Variants in ERCC6 observed in about 807,000 individuals in gnomAD.
ERCC6 encodes the protein DNA excision repair protein ERCC-6.
In ERCC6, 116 loss-of-function variants were observed where a neutral mutation model predicts 158.7. The ratio of observed to expected loss-of-function variants is 0.73; its 90% CI spans 0.63 to 0.85. ERCC6 has a LOEUF of 0.85. Ranked by LOEUF, ERCC6 falls within the 40% of genes least tolerant of loss-of-function variation. The pLI, the probability that ERCC6 is intolerant of heterozygous loss-of-function variation, is 0.00. For synonymous variants in ERCC6, 678 were observed against 659.3 expected (o/e 1.03, Z -0.43); for missense variants, 1,698 against 1,799.4 (o/e 0.94, Z 1.02).
In ERCC6 at chr10:49,459,153, C is replaced by T. The variant is rs4253228; in HGVS notation, c.4144G>A (p.Gly1382Arg). 8.2e-5 allele frequency: 132 copies of T among 1,614,126 alleles called. No individual in the cohort carries two copies. In the African/African-American group the frequency reaches 1.3e-3, roughly 16 times the overall value. Residue 1382 changes from glycine to arginine, a missense_variant, in exon 21 of 21, where the codon GGG becomes AGG. Physicochemically the swap from Gly to Arg is moderately radical, Grantham distance 125 (BLOSUM62 -2). Transcript: ENST00000355832. ...AAGAGTGAGGAGGAAGCGAGGGGCC[C>T]GGATGAAGAGTCTGCATCTTCTGCT... ...GRAEDADSSSGPLASSSLLAK... is the reference protein window; with the variant it reads ...GRAEDADSSSRPLASSSLLAK...
chr10:49,527,572 G>A (rs35907997), intron 4 of ERCC6, among the ~76,000 whole-genome samples: 10,518 of 152,274 alleles, frequency 0.069, 445 homozygotes, highest in Middle Eastern at 0.11. Context: ...CTACTTGGGA[G>A]GCTGAGGCAG....
At chr10:49,453,658 CT>C (rs1850445226), downstream of ERCC6, among the ~76,000 whole-genome samples, 1 of 152,108 alleles carries the variant, frequency 6.6e-6, no homozygotes, top group South Asian at 2.1e-4. Flanking sequence ...TTTAATACTT[CT>C]TATTAGGCAG....
At position 49,473,515 on chromosome 10, in the gene ERCC6, T is replaced by C. The variant is rs781688378; in HGVS notation, c.2671A>G (p.Ile891Val). Residue 891 changes from isoleucine (I) to valine (V), a missense_variant, in exon 14 of 21, where the codon ATA becomes GTA. Ile to Val is a conservative substitution (Grantham distance 29, BLOSUM62 3). Coordinates refer to ENST00000355832, the MANE Select transcript of ERCC6 (RefSeq NM_000124.4). ...TYLKMDGTTTIASRQPLITRY... is the reference protein window; with the variant it reads ...TYLKMDGTTTVASRQPLITRY... ...GTAATCAGTGGCTGTCTTGAAGCTA[T>C]TGTAGTGGTACCATCCATCTTGAGA... 13 of 1,612,766 alleles carry C rather than the reference T, an allele frequency of 8.1e-6. No individual in the cohort carries two copies. The highest frequency in any genetic ancestry group is 3.3e-5 in the South Asian group (3 of 91,060).
rs747651923 is a variant in ERCC6, at chr10:49,471,091, CTATT to C, written c.2950_2953del (p.Asn984GlufsTer3). ...CCTTTGTTTTGGGTCTTTTAGCACT[CTATT>C]TGTCAAAAACTGCTTGAAGATTTGT... On this transcript the variant is annotated frameshift_variant, in exon 17 of 21. Transcript: ENST00000355832. LOFTEE classifies it high-confidence loss of function. 6 of 1,613,896 alleles carry C rather than the reference CTATT, an allele frequency of 3.7e-6. No individual in the cohort carries two copies. The highest frequency in any genetic ancestry group is 4.2e-6 in the Non-Finnish European group (5 of 1,179,980).
chr10:49,477,131 C>T (rs4253184), intron 11 of ERCC6, among the ~76,000 whole-genome samples: 2,469 of 152,220 alleles, frequency 0.016, 37 homozygotes, highest in South Asian at 0.053. Context: ...CCTCACCACC[C>T]AAGCCACCCG....
intron 4 of ERCC6, 95 bp from the exon 5 acceptor site, chr10:49,524,872 C>CAAAT: frequency 1.9e-6 from 3 of 1,551,544 alleles, no homozygotes; most frequent in Non-Finnish European, 2.6e-6. Flanking sequence ...TAGGCAGCTA[C>CAAAT]AAATAACTCA....
At position 49,492,561 on chromosome 10, in the gene ERCC6, C is replaced by G. The variant is rs566504435; in HGVS notation, c.1821+556G>C. Among the ~76,000 whole-genome samples, 6 of 152,264 alleles carry G rather than the reference C, an allele frequency of 3.9e-5. No homozygotes were observed. The South Asian group carries it at 1.0e-3, about 26-fold the overall frequency. On this transcript the variant is annotated intron_variant, in intron 8 of 20. Transcript: ENST00000355832. ...GCTACCCACAGGAGCACAGATAAAG[C>G]TCTTTTTTGATACTGTGATATTACC...
chr10:49,504,320 C>T (rs977947588), intron 6 of ERCC6: 4 of 151,982 alleles, frequency 2.6e-5, no homozygotes, highest in African/African-American at 9.7e-5. Context: ...ACAATACTTT[C>T]CAGGAATGTG....
At chr10:49,437,332 CAAT>C in the ERCC6 span, among the ~76,000 whole-genome samples, 3 of 152,068 alleles carry the variant, frequency 2.0e-5, no homozygotes, top group African/African-American at 7.2e-5. Context: ...CAGCTACATG[CAAT>C]AATGTGGATA....
intron 10 of ERCC6, among the ~76,000 whole-genome samples, chr10:49,480,030 C>G (rs143460768): frequency 6.6e-6 from 1 of 152,178 alleles, no homozygotes; most frequent in Non-Finnish European, 1.5e-5. Context: ...GTCACCAGAA[C>G]GCTGAGAATC....
chr10:49,515,392 A>G (rs757294747), intron 5 of ERCC6: 26 of 1,613,946 alleles, frequency 1.6e-5, no homozygotes, highest in Non-Finnish European at 2.1e-5. Context: ...CATTTTTCAC[A>G]TCGAAAAGTT....
intron 5 of ERCC6, chr10:49,515,479 A>C: frequency 6.2e-7 from 1 of 1,614,142 alleles, no homozygotes; most frequent in Middle Eastern, 1.6e-4. Context: ...TCATAACGTG[A>C]GTCAATGTTA....
At chr10:49,516,367 TGA>T in intron 5 of ERCC6, 1 of 1,614,180 alleles carries the variant, frequency 6.2e-7, no homozygotes, top group Non-Finnish European at 8.5e-7. Flanking sequence ...AGTTTGCTTA[TGA>T]GAGGTCGCAA....
chr10:49,474,576 C>T lies in ERCC6; in HGVS notation c.2383-334G>A, dbSNP rs181396956. ...ATAAACCTAATATAAAAAAGGAATT[C>T]GCCTTTTAAATATGGATCAGAAATG... On this transcript the variant is annotated intron_variant, in intron 12 of 20. Coordinates refer to ENST00000355832, the MANE Select transcript of ERCC6 (RefSeq NM_000124.4). Among the ~76,000 whole-genome samples the T allele has an allele frequency of 4.8e-3, 725 of 152,166 alleles. 5 individuals are homozygous for T. Among genetic ancestry groups the T allele is most frequent in the Non-Finnish European group, 8.1e-3 (551 of 68,002 alleles).
At position 49,526,107 on chromosome 10, in the gene ERCC6, TTATATATTTTTATA is replaced by T. The variant is rs1221394154; in HGVS notation, c.653-1344_653-1331del. On this transcript the variant is annotated intron_variant, in intron 4 of 20. Coordinates refer to ENST00000355832, the MANE Select transcript of ERCC6 (RefSeq NM_000124.4). ...TATTTATATTTATATATTTATATAT[TTATATATTTTTATA>T]TATATATATATATATATATATATAT... Among the ~76,000 whole-genome samples the T allele has an allele frequency of 1.0e-3, 82 of 80,528 alleles. 1 individual carries two copies. Among genetic ancestry groups the T allele is most frequent in the Middle Eastern group, 5.7e-3 (1 of 174 alleles). 52.8% of individuals were successfully genotyped at this position (80,528 alleles called of 152,430 possible).
intron 8 of ERCC6, among the ~76,000 whole-genome samples, chr10:49,488,580 A>G (rs1232146895): frequency 6.6e-6 from 1 of 151,934 alleles, no homozygotes; most frequent in African/African-American, 2.4e-5. Flanking sequence ...TTCTATTATA[A>G]TTTGTGTACT....
Position 49,524,343 on chromosome 10 carries a change from C to T in ERCC6, c.1087G>A (p.Ala363Thr), listed in dbSNP as rs947200698. 20 of 1,614,080 alleles carry T rather than the reference C, an allele frequency of 1.2e-5. No individual in the cohort carries two copies. Among genetic ancestry groups the T allele is most frequent in the Non-Finnish European group, 1.7e-5 (20 of 1,180,044 alleles). Residue 363 changes from alanine (A) to threonine (T), a missense_variant, in exon 5 of 21, where the codon GCA becomes ACA. Ala to Thr is a moderately conservative substitution (Grantham distance 58). Coordinates refer to ENST00000355832, the MANE Select transcript of ERCC6 (RefSeq NM_000124.4). ...RPWESDMRPE[A>T]EGDSEGEESE... ...TCTTCACCCTCAGAGTCTCCCTCTGCCTCTGGCCTCATGTCTGACTCCCAA... is the reference window on the plus strand; with the variant it reads ...TCTTCACCCTCAGAGTCTCCCTCTGTCTCTGGCCTCATGTCTGACTCCCAA...
At position 49,524,600 on chromosome 10, in the gene ERCC6, T is replaced by C; in HGVS notation, c.830A>G (p.Asp277Gly). 6.2e-7 allele frequency: 1 copy of C among 1,614,250 alleles called. No individual in the cohort carries two copies. The highest frequency in any genetic ancestry group is 8.5e-7 in the Non-Finnish European group (1 of 1,180,046). ...CCTTTCAAAAGACAGTTTTGCTTGA[T>C]CTGCCAAATACTTTTCGAAGCCTGA... ...EASGFEKYLA[D>G]QAKLSFERKK... Residue 277 changes from aspartate (D) to glycine (G), a missense_variant, in exon 5 of 21, where the codon GAT (aspartate) becomes GGT (glycine). Asp to Gly is a moderately conservative substitution (Grantham distance 94). Coordinates refer to ENST00000355832, the MANE Select transcript of ERCC6 (RefSeq NM_000124.4).
At chr10:49,438,018 G>GT in the ERCC6 span, among the ~76,000 whole-genome samples, 1 of 152,060 alleles carries the variant, frequency 6.6e-6, no homozygotes, top group African/African-American at 2.4e-5. Flanking sequence ...ATACTGTATT[G>GT]TTTTTTGTTT....
Sources: gnomAD v4.1 joint callset for allele counts (sites outside exome capture counted in the v4.1 genomes callset) on GRCh38, gnomAD v4.1.1 for gene constraint, MANE v1.5 for transcripts, NCBI Gene and HGNC (gene_info 2026-07-23, HGNC 2026-07-21) for gene names.